SFI1: variants seen among roughly 807,000 people sequenced by gnomAD.
The protein encoded by SFI1 is protein SFI1 homolog.
SFI1 carries 195 observed loss-of-function variants against 207.5 expected under a neutral mutation model. The ratio of observed to expected loss-of-function variants is 0.94; its 90% CI spans 0.84 to 1.06. The LOEUF is 1.06. Ranked by LOEUF, SFI1 falls within the 50% of genes least tolerant of loss-of-function variation. The pLI is 0.00. For missense variants in SFI1, 1,634 were observed against 1,588.0 expected (o/e 1.03, Z -0.49); for synonymous variants, 630 against 598.9 (o/e 1.05, Z -0.76).
At chr22:31,497,042 A>G (rs898729719) in intron 1 of SFI1, among the ~76,000 whole-genome samples, 1 of 152,174 alleles carries the variant, frequency 6.6e-6, no homozygotes, top group Non-Finnish European at 1.5e-5. Flanking sequence ...GGGCTGGTAT[A>G]TGGGCGACCT....
intron 7 of SFI1, among the ~76,000 whole-genome samples, chr22:31,558,671 GT>G (rs1569306128): frequency 6.6e-6 from 1 of 151,962 alleles, no homozygotes. Context: ...TAGAGGCAGG[GT>G]TTCACCATGT....
At chr22:31,560,827 G>A (rs113518940) in intron 7 of SFI1, among the ~76,000 whole-genome samples, 3 of 151,232 alleles carry the variant, frequency 2.0e-5, no homozygotes, top group East Asian at 2.0e-4. Flanking sequence ...TCAGCCTCCC[G>A]AGTAGCTGGG....
intron 4 of SFI1, among the ~76,000 whole-genome samples, chr22:31,536,488 T>A (rs2059005288): frequency 6.6e-6 from 1 of 152,242 alleles, no homozygotes; most frequent in South Asian, 2.1e-4. Context: ...CTTGGCTCAC[T>A]GCAACCGCCA....
At chr22:31,540,450 T>A (rs1370643084) in intron 4 of SFI1, among the ~76,000 whole-genome samples, 3 of 151,830 alleles carry the variant, frequency 2.0e-5, no homozygotes, top group Admixed American at 6.6e-5. Flanking sequence ...CCTGGCTGAT[T>A]TTTGTGTTAC....
intron 15 of SFI1, among the ~76,000 whole-genome samples, chr22:31,595,108 T>TGCCTCA (rs1390468304): frequency 1.3e-5 from 2 of 152,114 alleles, no homozygotes; most frequent in African/African-American, 4.8e-5. Context: ...GTAATTCTCC[T>TGCCTCA]GCCTCAGCCT....
intron 8 of SFI1, among the ~76,000 whole-genome samples, chr22:31,566,939 T>C (rs2062373637): frequency 6.6e-6 from 1 of 152,096 alleles, no homozygotes. Context: ...CATGTCTCAC[T>C]CTGTCACCCA....
At chr22:31,554,756 G>A (rs1171120510) in intron 6 of SFI1, among the ~76,000 whole-genome samples, 1 of 150,608 alleles carries the variant, frequency 6.6e-6, no homozygotes, top group African/African-American at 2.4e-5. Context: ...AAAGGTACCT[G>A]CCACCACGCC....
chr22:31,555,738 T>G (rs2061097883), intron 6 of SFI1, among the ~76,000 whole-genome samples: 1 of 152,198 alleles, frequency 6.6e-6, no homozygotes, highest in Admixed American at 6.5e-5. Context: ...TAAGTCTGGC[T>G]TGTCTTACTC....
intron 15 of SFI1, among the ~76,000 whole-genome samples, chr22:31,592,959 G>C (rs1231943789): frequency 1.0e-4 from 12 of 117,570 alleles, no homozygotes; most frequent in African/African-American, 4.0e-4. Context: ...TCACCTCCCG[G>C]ACGGGGCGGC....
intron 22 of SFI1, among the ~76,000 whole-genome samples, chr22:31,608,305 CTTGCTTGTCAT>C (rs1251753367): frequency 6.6e-6 from 1 of 152,154 alleles, no homozygotes; most frequent in Non-Finnish European, 1.5e-5. Flanking sequence ...CAGCTTGTTT[CTTGCTTGTCAT>C]GGCTTTCCTG....
At chr22:31,582,706 CTG>C (rs2064496560) in intron 12 of SFI1, among the ~76,000 whole-genome samples, 1 of 152,074 alleles carries the variant, frequency 6.6e-6, no homozygotes, top group African/African-American at 2.4e-5. Flanking sequence ...AATTGAAACT[CTG>C]TACCCATTTC....
At position 31,606,337 on chromosome 22, in the gene SFI1, A is replaced by C. The variant is rs768642590; in HGVS notation, c.2064A>C (p.Leu688Phe). 31 of 1,613,696 alleles carry C rather than the reference A, an allele frequency of 1.9e-5. No individual in the cohort carries two copies. Among genetic ancestry groups the C allele is most frequent in the Non-Finnish European group, 2.5e-5 (29 of 1,180,004 alleles). Residue 688 changes from leucine to phenylalanine, a missense_variant, in exon 21 of 33, where the codon TTA becomes TTC. By Grantham distance (22) the Leu-to-Phe change is conservative. Transcript: ENST00000400288. ...QHNRQLLRGALRRWKENTMAR... is the reference protein window; with the variant it reads ...QHNRQLLRGAFRRWKENTMAR... ...ACCCATGCATCTGCAGCGGGGCATTACGTCGCTGGAAAGAGAACACCATGG... is the reference window on the plus strand; with the variant it reads ...ACCCATGCATCTGCAGCGGGGCATTCCGTCGCTGGAAAGAGAACACCATGG...
At chr22:31,547,157 G>A (rs1350291142) in intron 5 of SFI1, among the ~76,000 whole-genome samples, 186 bp downstream of exon 5, 4 of 151,534 alleles carry the variant, frequency 2.6e-5, no homozygotes, top group Non-Finnish European at 5.9e-5. Flanking sequence ...TGCTGGGCAC[G>A]TGCACACAGA....
At chr22:31,520,589 A>G (rs1015325974) in intron 2 of SFI1, among the ~76,000 whole-genome samples, 3 of 152,022 alleles carry the variant, frequency 2.0e-5, no homozygotes, top group African/African-American at 4.8e-5. Flanking sequence ...TATGACTTCT[A>G]TTGCCAGAGG....
chr22:31,616,594 C>A, intron 29 of SFI1, 151 bp from the exon 30 acceptor site: 1 of 787,406 alleles, frequency 1.3e-6, no homozygotes, highest in Non-Finnish European at 2.0e-6. Context: ...ACTGAGCTGG[C>A]ACGGCCAGTG....
chr22:31,514,751 T>C (rs1416708932), intron 2 of SFI1, among the ~76,000 whole-genome samples: 2 of 152,028 alleles, frequency 1.3e-5, no homozygotes, highest in Non-Finnish European at 2.9e-5. Flanking sequence ...AAATTCATGT[T>C]GTCGAAAACG....
intron 3 of SFI1, chr22:31,530,512 A>AAAAAAAAAAAC (rs2058409414): frequency 3.0e-6 from 1 of 331,276 alleles, no homozygotes; most frequent in African/African-American, 2.2e-5. Context: ...AAAAAAAAAA[A>AAAAAAAAAAAC]AGACAAGCCA....
intron 6 of SFI1, among the ~76,000 whole-genome samples, chr22:31,556,117 G>A (rs1192087829): frequency 6.6e-6 from 1 of 151,936 alleles, no homozygotes; most frequent in Non-Finnish European, 1.5e-5. Context: ...TTACTAAAAA[G>A]AGTGAGCTTG....
rs148802570 is a variant in SFI1 at position 31,574,832 on chromosome 22, G to A, written c.923-399G>A. 6.2e-3 allele frequency among the ~76,000 whole-genome samples: 937 copies of A among 152,144 alleles called. 14 individuals are homozygous for A. The highest frequency in any genetic ancestry group is 0.021 in the African/African-American group (879 of 41,508). ...AGCACTGTGAGAGGCTGAGGCGGGC[G>A]GATCACTTGAGGTCAGGAGTTCGAG... On this transcript the variant is annotated intron_variant, in intron 9 of 32. Coordinates refer to ENST00000400288, the MANE Select transcript of SFI1 (RefSeq NM_001007467.3).
Sources: gnomAD v4.1 joint callset for allele counts (sites outside exome capture counted in the v4.1 genomes callset) on GRCh38, gnomAD v4.1.1 for gene constraint, MANE v1.5 for transcripts, NCBI Gene and HGNC (gene_info 2026-07-23, HGNC 2026-07-21) for gene names.